The following NAALADL2 variants were observed in gnomAD, a reference collection of about 807,000 sequenced individuals.
NAALADL2 encodes the protein inactive N-acetylated-alpha-linked acidic dipeptidase-like protein 2.
NAALADL2 carries 76 observed loss-of-function variants against 87.2 expected under a neutral mutation model. That is an observed-to-expected ratio of 0.87 (90% CI 0.72 to 1.05). NAALADL2 has a LOEUF of 1.05. NAALADL2 is among the 50% of genes least tolerant of loss of function. The pLI, the probability that NAALADL2 is intolerant of heterozygous loss-of-function variation, is 0.00. For synonymous variants in NAALADL2, 354 were observed against 331.0 expected, an observed-to-expected ratio of 1.07 and a Z score of -0.75; for missense variants, 1,089 against 945.8, an observed-to-expected ratio of 1.15 and a Z score of -1.99.
intron 2 of NAALADL2, among the ~76,000 whole-genome samples, chr3:175,116,637 T>C (rs1425113216): frequency 6.6e-6 from 1 of 152,050 alleles, no homozygotes; most frequent in Non-Finnish European, 1.5e-5. Flanking sequence ...GGAATCAATA[T>C]TGTGAAAATG....
At chr3:175,147,213 G>A (rs866154406) in intron 2 of NAALADL2, among the ~76,000 whole-genome samples, 2 of 152,078 alleles carry the variant, frequency 1.3e-5, no homozygotes, top group Non-Finnish European at 1.5e-5. Context: ...GTACCCAATA[G>A]GTAGTTTTCA....
chr3:175,378,149 T>TGTAG (rs1767380361), intron 5 of NAALADL2, among the ~76,000 whole-genome samples: 3 of 152,296 alleles, frequency 2.0e-5, no homozygotes, highest in African/African-American at 7.2e-5. Context: ...GTCCAGACAC[T>TGTAG]GCCATGGGGC....
intron 1 of NAALADL2, among the ~76,000 whole-genome samples, chr3:174,901,405 C>G (rs536238536): frequency 6.6e-6 from 1 of 152,154 alleles, no homozygotes; most frequent in South Asian, 2.1e-4. Context: ...CCCTCCTAAC[C>G]AAAAGATACG....
intron 10 of NAALADL2, among the ~76,000 whole-genome samples, chr3:175,623,187 T>A (rs1726473035): frequency 6.6e-6 from 1 of 152,128 alleles, no homozygotes; most frequent in East Asian, 1.9e-4. Flanking sequence ...AAGTTAGATA[T>A]CTTTTGACAA....
chr3:175,639,972 G>A (rs1338838418), intron 11 of NAALADL2, among the ~76,000 whole-genome samples: 1 of 152,154 alleles, frequency 6.6e-6, no homozygotes, highest in Non-Finnish European at 1.5e-5. Context: ...CTGGGAACAT[G>A]GAACTGAGTA....
At chr3:175,594,453 A>C (rs887043854) in intron 10 of NAALADL2, among the ~76,000 whole-genome samples, 1 of 152,050 alleles carries the variant, frequency 6.6e-6, no homozygotes, top group Non-Finnish European at 1.5e-5. Flanking sequence ...GCTATCACAA[A>C]CACCATAGTG....
chr3:175,767,595 G>T (rs1748891897), intron 13 of NAALADL2: 1 of 152,106 alleles, frequency 6.6e-6, no homozygotes, highest in South Asian at 2.1e-4. Flanking sequence ...AAATTGGAAT[G>T]ATACAGAGAT....
At chr3:175,069,585 A>G (rs1184478519) in intron 1 of NAALADL2, among the ~76,000 whole-genome samples, 1 of 150,720 alleles carries the variant, frequency 6.6e-6, no homozygotes, top group Non-Finnish European at 1.5e-5. Flanking sequence ...TAGTTCAACC[A>G]TTGTGGAAGT....
chr3:175,544,087 C>T (rs1049174139), intron 9 of NAALADL2, among the ~76,000 whole-genome samples: 1 of 151,888 alleles, frequency 6.6e-6, no homozygotes, highest in African/African-American at 2.4e-5. Context: ...GGACAGGGCT[C>T]GGATAAAGTT....
chr3:175,017,339 C>T (rs79145051), intron 1 of NAALADL2, among the ~76,000 whole-genome samples: 15,377 of 152,026 alleles, frequency 0.1, 1,265 homozygotes, highest in African/African-American at 0.22. Context: ...TATTCTGTTG[C>T]GAATCTTCAC....
chr3:175,452,492 A>G (rs1721729466), intron 6 of NAALADL2, among the ~76,000 whole-genome samples: 1 of 152,206 alleles, frequency 6.6e-6, no homozygotes, highest in Admixed American at 6.6e-5. Flanking sequence ...TTTTCCAATC[A>G]ACATGGAGGA....
chr3:175,327,109 T>C (rs1467805927), intron 5 of NAALADL2, among the ~76,000 whole-genome samples: 2 of 151,046 alleles, frequency 1.3e-5, no homozygotes, highest in African/African-American at 2.4e-5. Context: ...TAATGAACAT[T>C]CCATACGCCT....
At chr3:175,701,595 G>A (rs991678544) in intron 11 of NAALADL2, among the ~76,000 whole-genome samples, 2 of 152,034 alleles carry the variant, frequency 1.3e-5, no homozygotes, top group African/African-American at 4.8e-5. Context: ...TAGGCTAGTT[G>A]GCTATGATTT....
chr3:175,347,868 A>G (rs1339982359), intron 5 of NAALADL2, among the ~76,000 whole-genome samples: 1 of 151,958 alleles, frequency 6.6e-6, no homozygotes, highest in Non-Finnish European at 1.5e-5. Flanking sequence ...TATTTCTCCT[A>G]ATGCTATCCC....
intron 1 of NAALADL2, among the ~76,000 whole-genome samples, chr3:174,898,404 TAATA>T (rs1731881034): frequency 2.0e-5 from 3 of 151,438 alleles, no homozygotes; most frequent in South Asian, 2.1e-4. Context: ...AATAAATTAA[TAATA>T]AATAGAATGA....
intron 11 of NAALADL2, among the ~76,000 whole-genome samples, chr3:175,722,140 G>C (rs1742325639): frequency 6.6e-6 from 1 of 152,058 alleles, no homozygotes; most frequent in Admixed American, 6.6e-5. Flanking sequence ...TCTATGTGAT[G>C]TTTGGCAAAT....
chr3:175,516,220 A>T (rs569045976), intron 9 of NAALADL2, among the ~76,000 whole-genome samples: 1 of 152,362 alleles, frequency 6.6e-6, no homozygotes, highest in Admixed American at 6.5e-5. Context: ...AAGAAACACC[A>T]GCAAACAGAA....
At chr3:174,878,517 T>C (rs1374574370) in intron 1 of NAALADL2, among the ~76,000 whole-genome samples, 1 of 152,076 alleles carries the variant, frequency 6.6e-6, no homozygotes, top group Non-Finnish European at 1.5e-5. Flanking sequence ...CTACCTTAAT[T>C]TATAGGTTTT....
intron 2 of NAALADL2, among the ~76,000 whole-genome samples, chr3:174,556,008 TGC>T (rs1390984474): frequency 0.027 from 2,578 of 94,542 alleles, 24 homozygotes; most frequent in East Asian, 0.043. Flanking sequence ...TGTGTGTGTG[TGC>T]GCGCACGTGA....
Sources: allele counts gnomAD v4.1 joint callset (sites outside exome capture counted in the v4.1 genomes callset), GRCh38; gene constraint gnomAD v4.1.1; transcripts MANE v1.5; gene names NCBI Gene and HGNC (gene_info 2026-07-23, HGNC 2026-07-21).